Variants in DPP10 observed in about 807,000 individuals in gnomAD.
DPP10 encodes inactive dipeptidyl peptidase 10.
Under a neutral mutation model 120.9 loss-of-function variants are expected in DPP10, and 33 were observed. That is an observed-to-expected ratio of 0.27 (90% CI 0.21 to 0.37). DPP10 has a LOEUF of 0.37. Among genes scored for constraint, DPP10 ranks in the 10% least tolerant of loss-of-function variants. The probability of loss-of-function intolerance (pLI) is 1.00; values close to 1 mark genes in which losing one functional copy is unlikely to be tolerated. For synonymous variants in DPP10, 337 were observed against 326.1 expected, an observed-to-expected ratio of 1.03 and a Z score of -0.36; for missense variants, 816 against 942.8, an observed-to-expected ratio of 0.87 and a Z score of 1.76.
chr2:115,084,405 C>T (rs1319225340), intron 1 of DPP10, among the ~76,000 whole-genome samples: 1 of 152,144 alleles, frequency 6.6e-6, no homozygotes, highest in African/African-American at 2.4e-5. Context: ...CTATAGGCAA[C>T]TCATTCTATT....
At chr2:115,734,655 TAAA>T (rs55950813) in intron 8 of DPP10, among the ~76,000 whole-genome samples, 1,171 of 100,392 alleles carry the variant, frequency 0.012, 17 homozygotes, top group African/African-American at 0.036. Flanking sequence ...GACTCTGTCT[TAAA>T]AAAAAAAAAA....
At chr2:114,743,850 C>T (rs1678301589) in intron 1 of DPP10, among the ~76,000 whole-genome samples, 2 of 151,416 alleles carry the variant, frequency 1.3e-5, no homozygotes. Context: ...AATAAGATTG[C>T]CTGTCTTGTC....
rs1259112126 is a variant in DPP10 at position 115,484,118 on chromosome 2, AT to A, written c.272-15383del. Among the ~76,000 whole-genome samples the A allele has an allele frequency of 4.0e-3, 365 of 91,578 alleles. 3 individuals are homozygous for A. Among genetic ancestry groups the A allele is most frequent in the Non-Finnish European group, 5.0e-3 (223 of 44,706 alleles). 60.1% of individuals were successfully genotyped at this position (91,578 alleles called of 152,430 possible). On this transcript the variant is annotated intron_variant, in intron 3 of 25. Transcript: ENST00000410059. ...AAAACATATTTCCTATCACAGACTCATTTTTTTTTGCCACCAGTACACCCCC... is the reference window on the plus strand; with the variant it reads ...AAAACATATTTCCTATCACAGACTCATTTTTTTTGCCACCAGTACACCCCC...
At chr2:115,159,181 T>C (rs1180054441) in intron 1 of DPP10, among the ~76,000 whole-genome samples, 4 of 152,074 alleles carry the variant, frequency 2.6e-5, no homozygotes, top group African/African-American at 7.2e-5. Context: ...GGAAGTGGCA[T>C]GGCATGGTGG....
At chr2:115,762,860 G>A (rs1021409511) in intron 12 of DPP10, among the ~76,000 whole-genome samples, 1 of 152,096 alleles carries the variant, frequency 6.6e-6, no homozygotes, top group Non-Finnish European at 1.5e-5. Flanking sequence ...AAAATATTCT[G>A]TGTAAGTACA....
At chr2:114,988,685 A>G (rs1050370348) in intron 1 of DPP10, among the ~76,000 whole-genome samples, 2 of 152,136 alleles carry the variant, frequency 1.3e-5, no homozygotes, top group Admixed American at 1.3e-4. Flanking sequence ...CATCAGCTTC[A>G]ATCTAGCTTT....
intron 1 of DPP10, among the ~76,000 whole-genome samples, chr2:115,208,854 T>G (rs1188840145): frequency 6.6e-6 from 1 of 152,136 alleles, no homozygotes; most frequent in Non-Finnish European, 1.5e-5. Context: ...AAGTGTACAT[T>G]TAGGAGCAAA....
Position 114,986,832 on chromosome 2 carries a change from G to A in DPP10, c.61-322407G>A, listed in dbSNP as rs1040249337. 2.6e-5 allele frequency among the ~76,000 whole-genome samples: 4 copies of A among 152,082 alleles called. No homozygotes were observed. The East Asian group carries it at 5.8e-4, about 22-fold the overall frequency. Reference sequence around the variant, plus strand: ...GTCGCCTAGGCTGGAGTGCAGTGGCGCAATCTTGGCTCACTGCAACCTCCA... The same window carrying A: ...GTCGCCTAGGCTGGAGTGCAGTGGCACAATCTTGGCTCACTGCAACCTCCA... On this transcript the variant is annotated intron_variant, in intron 1 of 25. Coordinates refer to ENST00000410059, the MANE Select transcript of DPP10 (RefSeq NM_020868.6).
chr2:115,691,112 A>G (rs1040320384), intron 7 of DPP10, among the ~76,000 whole-genome samples: 11 of 151,322 alleles, frequency 7.3e-5, no homozygotes, highest in Non-Finnish European at 1.3e-4. Flanking sequence ...CACATTTTTT[A>G]TTCTTTTTTT....
At chr2:115,645,251 C>A (rs970864856) in intron 5 of DPP10, among the ~76,000 whole-genome samples, 39 of 152,160 alleles carry the variant, frequency 2.6e-4, no homozygotes, top group African/African-American at 8.7e-4. Context: ...CTCTGTTCCA[C>A]TGAGTTTTAA....
At chr2:115,652,882 G>A (rs1339883886) in intron 5 of DPP10, among the ~76,000 whole-genome samples, 1 of 151,892 alleles carries the variant, frequency 6.6e-6, no homozygotes, top group African/African-American at 2.4e-5. Context: ...GCTTAACCAC[G>A]TGACTGGACA....
intron 5 of DPP10, among the ~76,000 whole-genome samples, chr2:115,617,269 T>A (rs981468651): frequency 3.5e-4 from 6 of 16,916 alleles, no homozygotes; most frequent in East Asian, 2.0e-3. Context: ...ATATATATAT[T>A]TTTTATATAT....
rs761367252 is a variant in DPP10, at chr2:115,814,836, A to G, written c.1744A>G (p.Ile582Val). 1 of 1,593,916 alleles carries G rather than the reference A, an allele frequency of 6.3e-7. No individual in the cohort carries two copies. The highest frequency in any genetic ancestry group is 8.6e-7 in the Non-Finnish European group (1 of 1,165,352). ...CCAGCTGGTTACAGATAAGTTCCAT[A>G]TTGACTGGGATTCCGTACTCATTGA... Reference protein sequence around the residue: ...GGQLVTDKFHIDWDSVLIDMD... With the variant: ...GGQLVTDKFHVDWDSVLIDMD... The change falls in exon 20 of 26, where the codon ATT (isoleucine) becomes GTT (valine). Residue 582 changes from isoleucine to valine, a missense_variant. Coordinates refer to ENST00000410059, the MANE Select transcript of DPP10 (RefSeq NM_020868.6).
At chr2:114,984,092 A>T (rs1367430922) in intron 1 of DPP10, among the ~76,000 whole-genome samples, 1 of 152,196 alleles carries the variant, frequency 6.6e-6, no homozygotes, top group Non-Finnish European at 1.5e-5. Flanking sequence ...CCACTAAACA[A>T]TTGGCCAGAA....
chr2:115,529,888 T>C (rs1459724817), intron 5 of DPP10, among the ~76,000 whole-genome samples: 1 of 152,176 alleles, frequency 6.6e-6, no homozygotes, highest in Non-Finnish European at 1.5e-5. Flanking sequence ...TTTCATCTTA[T>C]TTTTAAATAG....
chr2:114,729,396 A>G (rs778818996), intron 1 of DPP10, among the ~76,000 whole-genome samples: 22 of 152,356 alleles, frequency 1.4e-4, no homozygotes, highest in Non-Finnish European at 2.9e-4. Context: ...GAAACCTCTG[A>G]GCCTCTTCGG....
chr2:115,514,211 A>C (rs1014835210), intron 4 of DPP10, among the ~76,000 whole-genome samples: 1 of 151,874 alleles, frequency 6.6e-6, no homozygotes, highest in African/African-American at 2.4e-5. Flanking sequence ...AGTTTTGTCA[A>C]CTTGACTATG....
intron 1 of DPP10, among the ~76,000 whole-genome samples, chr2:114,915,815 C>T (rs921516573): frequency 2.6e-5 from 4 of 151,996 alleles, no homozygotes; most frequent in African/African-American, 9.7e-5. Context: ...TATAGCATAC[C>T]AGAATTTCTG....
intron 1 of DPP10, among the ~76,000 whole-genome samples, chr2:114,812,677 A>G (rs891470953): frequency 6.6e-6 from 1 of 151,112 alleles, no homozygotes; most frequent in African/African-American, 2.4e-5. Flanking sequence ...CTGTATCTCT[A>G]CAGCTTCCTC....
Sources: allele counts gnomAD v4.1 joint callset (sites outside exome capture counted in the v4.1 genomes callset), GRCh38; gene constraint gnomAD v4.1.1; transcripts MANE v1.5; gene names NCBI Gene and HGNC (gene_info 2026-07-23, HGNC 2026-07-21).